The following SLC35F4 variants were observed in gnomAD, a reference collection of about 807,000 sequenced individuals.
SLC35F4 encodes the protein chromosome 14 open reading frame 36.
SLC35F4 carries 24 observed loss-of-function variants against 44.2 expected under a neutral mutation model. That is an observed-to-expected ratio of 0.54 (90% CI 0.39 to 0.76). The LOEUF is 0.76. Ranked by LOEUF, SLC35F4 falls within the 30% of genes least tolerant of loss-of-function variation. The probability of loss-of-function intolerance (pLI) is 0.00; values close to 1 mark genes in which losing one functional copy is unlikely to be tolerated. For missense variants in SLC35F4, 562 were observed against 586.1 expected (o/e 0.96, Z 0.42); for synonymous variants, 238 against 223.6 (o/e 1.06, Z -0.57).
rs181846574 is a variant in SLC35F4, at chr14:57,605,161, A to G, written c.104-11037T>C. Among the ~76,000 whole-genome samples, 558 of 152,340 alleles carry G rather than the reference A, an allele frequency of 3.7e-3. 3 individuals carry two copies. The highest frequency in any genetic ancestry group is 0.013 in the African/African-American group (547 of 41,580). On this transcript the variant is annotated intron_variant, in intron 1 of 7. Coordinates refer to ENST00000556826, the MANE Select transcript of SLC35F4 (RefSeq NM_001306087.2). ...GCATAGAAAGAAAACCTATTAAGGG[A>G]GTAAACAGACAACCTTTAGAATTGG...
intron 1 of SLC35F4, among the ~76,000 whole-genome samples, chr14:57,787,183 C>G (rs112931993): frequency 4.1e-4 from 63 of 152,224 alleles, no homozygotes; most frequent in African/African-American, 1.5e-3. Context: ...AAGACAAAGT[C>G]TTCAAACTAA....
chr14:57,600,679 A>G (rs11847200), intron 1 of SLC35F4, among the ~76,000 whole-genome samples: 59,454 of 91,780 alleles, frequency 0.65, 20,038 homozygotes, highest in Middle Eastern at 0.74. Flanking sequence ...GCGACAGAGC[A>G]AGACTCCATC....
chr14:57,672,406 T>A (rs954080558), intron 1 of SLC35F4, among the ~76,000 whole-genome samples: 2 of 152,116 alleles, frequency 1.3e-5, no homozygotes, highest in East Asian at 3.9e-4. Context: ...GGAACAGTGA[T>A]CTCAATTATC....
Position 57,695,716 on chromosome 14 carries a change from G to A in SLC35F4, c.104-101592C>T, listed in dbSNP as rs2140347317. Among the ~76,000 whole-genome samples, 3 of 152,244 alleles carry A rather than the reference G, an allele frequency of 2.0e-5. No homozygotes were observed. In the South Asian group the frequency reaches 6.2e-4, roughly 32 times the overall value. ...AAATCATGCTGCTATAAAGACACAT[G>A]CACACGCATGTTTATAACAGCACTA... On this transcript the variant is annotated intron_variant, in intron 1 of 7. Coordinates refer to ENST00000556826, the MANE Select transcript of SLC35F4 (RefSeq NM_001306087.2).
chr14:57,636,219 C>T (rs2073009645), intron 1 of SLC35F4, among the ~76,000 whole-genome samples: 1 of 152,120 alleles, frequency 6.6e-6, no homozygotes, highest in South Asian at 2.1e-4. Context: ...GCTGACTCCT[C>T]CAGGTGGAAA....
intron 1 of SLC35F4, among the ~76,000 whole-genome samples, chr14:57,744,683 A>G (rs2076708396): frequency 6.6e-6 from 1 of 152,234 alleles, no homozygotes; most frequent in South Asian, 2.1e-4. Flanking sequence ...TGCCATCCCC[A>G]TCAGCTACCT....
intron 1 of SLC35F4, among the ~76,000 whole-genome samples, chr14:57,715,988 A>G (rs1447415510): frequency 6.6e-6 from 1 of 152,188 alleles, no homozygotes; most frequent in African/African-American, 2.4e-5. Context: ...ATAAAAATGT[A>G]CTTTTAAAAG....
At chr14:57,624,983 G>A (rs1043009802) in intron 1 of SLC35F4, among the ~76,000 whole-genome samples, 1 of 152,072 alleles carries the variant, frequency 6.6e-6, no homozygotes, top group African/African-American at 2.4e-5. Flanking sequence ...AGAAATAAAT[G>A]GTATTCCAAT....
At chr14:57,660,918 G>A (rs2074117999) in intron 1 of SLC35F4, among the ~76,000 whole-genome samples, 2 of 152,058 alleles carry the variant, frequency 1.3e-5, no homozygotes, top group East Asian at 3.9e-4. Flanking sequence ...GTAAATATTT[G>A]TTGTTGTAAG....
chr14:57,627,524 CA>C (rs2072537222), intron 1 of SLC35F4, among the ~76,000 whole-genome samples: 1 of 152,060 alleles, frequency 6.6e-6, no homozygotes. Flanking sequence ...TAAAAAGAAG[CA>C]TTATTTAGCT....
chr14:57,727,369 G>A (rs1218767817), intron 1 of SLC35F4, among the ~76,000 whole-genome samples: 1 of 151,342 alleles, frequency 6.6e-6, no homozygotes, highest in African/African-American at 2.4e-5. Flanking sequence ...ATGTTTTGTT[G>A]ATCTTTTATG....
intron 1 of SLC35F4, among the ~76,000 whole-genome samples, chr14:57,647,214 C>T (rs894472477): frequency 3.3e-5 from 5 of 150,714 alleles, no homozygotes; most frequent in East Asian, 2.0e-4. Context: ...CTAATGTTGA[C>T]GGTGGGGTGT....
At chr14:57,735,129 T>G (rs186359809) in intron 1 of SLC35F4, among the ~76,000 whole-genome samples, 1 of 152,322 alleles carries the variant, frequency 6.6e-6, no homozygotes, top group Admixed American at 6.5e-5. Context: ...CTCTCTGGAT[T>G]TTCCCACTTA....
At chr14:57,728,819 C>A (rs1468127466) in intron 1 of SLC35F4, among the ~76,000 whole-genome samples, 1 of 152,160 alleles carries the variant, frequency 6.6e-6, no homozygotes, top group African/African-American at 2.4e-5. Context: ...TTCAAGAACT[C>A]CCTTTAGCAT....
intron 4 of SLC35F4, among the ~76,000 whole-genome samples, chr14:57,574,457 G>A (rs1473673553): frequency 6.6e-6 from 1 of 152,134 alleles, no homozygotes; most frequent in Non-Finnish European, 1.5e-5. Context: ...AGTTCTGAAA[G>A]AATGAAAATC....
chr14:57,689,906 A>G (rs989835733), intron 1 of SLC35F4, among the ~76,000 whole-genome samples: 1 of 152,210 alleles, frequency 6.6e-6, no homozygotes, highest in African/African-American at 2.4e-5. Flanking sequence ...AAATAAAAAA[A>G]AATAAAGATA....
At chr14:57,972,674 C>A (rs1340231314), downstream of SLC35F4, among the ~76,000 whole-genome samples, 1 of 152,184 alleles carries the variant, frequency 6.6e-6, no homozygotes, top group African/African-American at 2.4e-5. Context: ...AGTCTCCTGG[C>A]TCTCAGCCTA....
chr14:57,668,127 G>A (rs1371208968), intron 1 of SLC35F4, among the ~76,000 whole-genome samples: 2 of 150,830 alleles, frequency 1.3e-5, no homozygotes, highest in Non-Finnish European at 3.0e-5. Context: ...CTGCATAAAT[G>A]TCTTCTTTTG....
intron 1 of SLC35F4, among the ~76,000 whole-genome samples, chr14:57,640,474 G>C (rs1419305251): frequency 1.3e-5 from 2 of 152,002 alleles, no homozygotes; most frequent in Non-Finnish European, 2.9e-5. Flanking sequence ...TGTGACTCAA[G>C]AGTAACTCCC....
Sources: gnomAD v4.1 joint callset for allele counts (sites outside exome capture counted in the v4.1 genomes callset) on GRCh38, gnomAD v4.1.1 for gene constraint, MANE v1.5 for transcripts, NCBI Gene and HGNC (gene_info 2026-07-23, HGNC 2026-07-21) for gene names.